The following IFT20 variants were observed in gnomAD, a reference collection of about 807,000 sequenced individuals.
IFT20 encodes the protein intraflagellar transport 20, also known as intraflagellar transport protein 20 homolog.
Under a neutral mutation model 16.9 loss-of-function variants are expected in IFT20, and 4 were observed. The ratio of observed to expected loss-of-function variants is 0.24; its 90% confidence interval spans 0.12 to 0.54. The LOEUF is 0.54. IFT20 is among the 20% of genes least tolerant of loss of function. The pLI is 0.95. For missense variants in IFT20, 154 were observed against 149.7 expected (o/e 1.03, Z -0.15); for synonymous variants, 48 against 49.9 (o/e 0.96, Z 0.16).
chr17:28,331,801 G>C (rs1371395416), intron 2 of IFT20, 58 bp downstream of exon 2: 1 of 1,607,418 alleles, frequency 6.2e-7, no homozygotes, highest in Non-Finnish European at 8.5e-7. Flanking sequence ...GATGAGCCTG[G>C]GGTACAGTTG....
chr17:28,331,369 T>C (rs575804070), intron 2 of IFT20: 3 of 162,370 alleles, frequency 1.8e-5, no homozygotes, highest in Admixed American at 1.2e-4. Flanking sequence ...TGTACGGGCA[T>C]TGGGCTTGCT....
chr17:28,334,187 T>C (rs764592036), intron 1 of IFT20, among the ~76,000 whole-genome samples: 7 of 152,180 alleles, frequency 4.6e-5, no homozygotes, highest in Non-Finnish European at 5.9e-5. Flanking sequence ...TACATGGTGC[T>C]GTGTGAAGTG....
Position 28,329,154 on chromosome 17 carries a change from T to G in IFT20, c.317+19A>C, listed in dbSNP as rs1906551818. 1 of 1,570,484 alleles carries G rather than the reference T, an allele frequency of 6.4e-7. No individual in the cohort carries two copies. The highest frequency in any genetic ancestry group is 1.1e-5 in the South Asian group (1 of 89,912). On this transcript the variant is annotated intron_variant, in intron 4 of 4. Transcript: ENST00000395418. ...AATTCAGCTGTGTAAAGAACTTGCT[T>G]TACATCATGACTTCTTACCTTTCTA...
In IFT20 at chr17:28,332,423, G is replaced by A. The variant is rs116651354; in HGVS notation, c.-2-436C>T. The A allele has an allele frequency of 1.3e-3, 619 of 483,264 alleles. 2 individuals carry two copies. The highest frequency in any genetic ancestry group is 0.011 in the African/African-American group (562 of 51,076). The allele number at this position is 483,264 out of a possible 1,614,324, so 29.9% of individuals were successfully genotyped here. On this transcript the variant is annotated intron_variant, in intron 1 of 4. Coordinates refer to ENST00000395418, the MANE Select transcript of IFT20 (RefSeq NM_001267776.2). ...CACGGAAACTGAAAAACCACACTGC[G>A]TTAAATGCTTGTTTAGAAACATCAG...
chr17:28,329,349 G>T, intron 3 of IFT20, 73 bp from the exon 4 acceptor site: 1 of 1,160,944 alleles, frequency 8.6e-7, no homozygotes, highest in Non-Finnish European at 1.3e-6. Context: ...AGTGGGGAGG[G>T]GTTATCTGGG....
intron 3 of IFT20, chr17:28,330,150 C>A: frequency 1.6e-6 from 1 of 622,444 alleles, no homozygotes; most frequent in South Asian, 1.9e-5. Context: ...GTGGGAGAAT[C>A]GCTTGAATCT....
At chr17:28,330,077 T>G in intron 3 of IFT20, 3 of 410,252 alleles carry the variant, frequency 7.3e-6, no homozygotes, top group South Asian at 4.1e-5. Context: ...AAAAAAAAAA[T>G]ACAAAAACCT....
In IFT20 at chr17:28,329,565, A is replaced by G. The variant is rs1046221295; in HGVS notation, c.214-289T>C. The stretch of plus-strand genomic sequence containing the variant: ...CAGCCTTGTGCCTTTCACCAATCAT[A>G]CTATGTAAGCCTTCATTTCTTCATT... On this transcript the variant is annotated intron_variant, in intron 3 of 4. Coordinates refer to ENST00000395418, the MANE Select transcript of IFT20 (RefSeq NM_001267776.2). 8.8e-6 allele frequency: 3 copies of G among 341,576 alleles called. No homozygotes were observed. The East Asian group carries it at 1.6e-4, about 19-fold the overall frequency. 21.2% of individuals were successfully genotyped at this position (341,576 alleles called of 1,614,324 possible). A position where few individuals can be genotyped will look rare whatever the true frequency, so the allele number is the denominator to read the frequency against.
intron 1 of IFT20, among the ~76,000 whole-genome samples, chr17:28,333,806 C>T (rs1906946334): frequency 6.6e-6 from 1 of 152,096 alleles, no homozygotes; most frequent in African/African-American, 2.4e-5. Flanking sequence ...TGACAGGTGC[C>T]TGTAGTCCCA....
chr17:28,331,788 C>G, intron 2 of IFT20, 71 bp downstream of exon 2: 2 of 1,594,976 alleles, frequency 1.3e-6, no homozygotes, highest in African/African-American at 2.7e-5. Flanking sequence ...GTGGCAGGGC[C>G]AAGATGAGCC....
intron 1 of IFT20, 197 bp from the exon 2 acceptor site, chr17:28,332,184 G>T: frequency 6.5e-7 from 1 of 1,537,872 alleles, no homozygotes; most frequent in South Asian, 1.2e-5. Flanking sequence ...GTTCTGCTCT[G>T]AAGGAGTGAC....
At chr17:28,332,167 T>A (rs1465912331) in intron 1 of IFT20, 180 bp from the exon 2 acceptor site, 2 of 1,540,264 alleles carry the variant, frequency 1.3e-6, no homozygotes, top group African/African-American at 2.7e-5. Context: ...CCAGGTTCCC[T>A]AGAGGAGTTC....
rs535981336 is a variant in IFT20 at position 28,330,277 on chromosome 17, G to T, written c.213+166C>A. 636 of 636,828 alleles carry T rather than the reference G, an allele frequency of 1.0e-3. 5 individuals are homozygous for T. The Middle Eastern group carries it at 0.016, about 16-fold the overall frequency. The allele number at this position is 636,828 out of a possible 1,614,324, so 39.4% of individuals were successfully genotyped here. On this transcript the variant is annotated intron_variant, in intron 3 of 4. Transcript: ENST00000395418. ...TAAAGATTAAAGGAAATAAAGATTG[G>T]CAAAAGTTCAGTAGGTTAAGTGGAC...
chr17:28,328,766 A>G (rs782452966), intron 4 of IFT20, 33 bp from the exon 5 acceptor site: 1 of 1,292,510 alleles, frequency 7.7e-7, no homozygotes, highest in African/African-American at 1.5e-5. Context: ...GCCCTGAAAA[A>G]AAGATGAAGT....
intron 3 of IFT20, chr17:28,329,791 GTCAC>G (rs1168121609): frequency 5.7e-6 from 1 of 176,624 alleles, no homozygotes; most frequent in Non-Finnish European, 1.2e-5. Context: ...GCCGGGCGCA[GTCAC>G]TCACGCCTTA....
At chr17:28,335,188 A>C (rs1907063540) in intron 1 of IFT20, among the ~76,000 whole-genome samples, 152 bp downstream of exon 1, 1 of 152,170 alleles carries the variant, frequency 6.6e-6, no homozygotes, top group Non-Finnish European at 1.5e-5. Flanking sequence ...ATCAAACTCC[A>C]GGCCTAAGCT....
At position 28,328,337 on chromosome 17, in the gene IFT20, CAAA is replaced by C. The variant is rs1230816773; in HGVS notation, c.*312_*314del. Reference sequence around the variant, plus strand: ...AAAGGTACATCAAGCCATTTGAAAACAAAAATTTATTGCTTCTCCTTCCAAAGC... The same window carrying C: ...AAAGGTACATCAAGCCATTTGAAAACAATTTATTGCTTCTCCTTCCAAAGC... On this transcript the variant is annotated 3_prime_UTR_variant, in exon 5 of 5. Transcript: ENST00000395418. 1 of 258,578 alleles carries C rather than the reference CAAA, an allele frequency of 3.9e-6. No individual in the cohort carries two copies. Among genetic ancestry groups the C allele is most frequent in the Admixed American group, 5.5e-5 (1 of 18,252 alleles). 16.0% of individuals were successfully genotyped at this position (258,578 alleles called of 1,614,324 possible).
chr17:28,332,208 A>T, intron 1 of IFT20: 1 of 1,536,568 alleles, frequency 6.5e-7, no homozygotes, highest in African/African-American at 1.4e-5. Context: ...GGCAGTCAGG[A>T]GGAGGTGTGT....
chr17:28,331,692 A>G (rs1906793886), intron 2 of IFT20, 167 bp downstream of exon 2: 1 of 760,294 alleles, frequency 1.3e-6, no homozygotes, highest in African/African-American at 1.7e-5. Flanking sequence ...GGGACACATG[A>G]GAGCACAAGA....
Sources: gnomAD v4.1 joint callset for allele counts (sites outside exome capture counted in the v4.1 genomes callset) on GRCh38, gnomAD v4.1.1 for gene constraint, MANE v1.5 for transcripts, NCBI Gene and HGNC (gene_info 2026-07-23, HGNC 2026-07-21) for gene names.